Variants in FEZF1 observed in about 807,000 individuals in gnomAD.
FEZF1 encodes fez family zinc finger protein 1.
FEZF1 carries 8 observed loss-of-function variants against 32.4 expected under a neutral mutation model. That is an observed-to-expected ratio of 0.25 (90% CI 0.15 to 0.45). FEZF1 has a LOEUF of 0.45. FEZF1 is among the 20% of genes least tolerant of loss of function. The probability of loss-of-function intolerance (pLI) is 1.00; values close to 1 mark genes in which losing one functional copy is unlikely to be tolerated. For synonymous variants in FEZF1, 259 were observed against 265.2 expected, an observed-to-expected ratio of 0.98 and a Z score of 0.23; for missense variants, 546 against 622.3, an observed-to-expected ratio of 0.88 and a Z score of 1.31.
chr7:122,304,408 G>C lies in FEZF1; in HGVS notation c.30C>G (p.Thr10=), dbSNP rs756383812. The C allele has an allele frequency of 6.3e-6, 10 of 1,576,986 alleles. No homozygotes were observed. The South Asian group carries it at 8.0e-5, about 13-fold the overall frequency. The part of the protein sequence containing the change: MDSSCHNAT[T]KMLATAPARG... The stretch of plus-strand genomic sequence containing the variant: ...GAGCTGGAGCAGTCGCTAACATTTT[G>C]GTAGTCGCGTTGTGGCAGCTACTGT... Residue 10 remains threonine (T), a synonymous_variant, in exon 1 of 4, where the codon ACC becomes ACG. Transcript: ENST00000442488.
At chr7:122,304,767 C>A, upstream of FEZF1, 1 of 298,164 alleles carries the variant, frequency 3.4e-6, no homozygotes, top group Non-Finnish European at 6.5e-6. Context: ...TTGCTCAATT[C>A]GCTTCCAACA....
chr7:122,304,534 C>A lies in FEZF1; in HGVS notation c.-97G>T. On this transcript the variant is annotated 5_prime_UTR_variant, in exon 1 of 4. It removes an upstream start codon present in the reference 5' UTR. Transcript: ENST00000442488. Reference sequence around the variant, plus strand: ...GACCTGCGGAGAGGGGGACGGGCACCATCACCACCAGTAGCCTCCTCCTCC... The same window carrying A: ...GACCTGCGGAGAGGGGGACGGGCACAATCACCACCAGTAGCCTCCTCCTCC... 1 of 1,046,242 alleles carries A rather than the reference C, an allele frequency of 9.6e-7. No individual in the cohort carries two copies. The highest frequency in any genetic ancestry group is 1.3e-6 in the Non-Finnish European group (1 of 743,268). 64.8% of individuals were successfully genotyped at this position (1,046,242 alleles called of 1,614,324 possible).
chr7:122,309,875 C>T (rs539706833), intron 1 of FEZF1: 1 of 152,322 alleles, frequency 6.6e-6, no homozygotes, highest in East Asian at 1.9e-4. Flanking sequence ...GATTAGCGTT[C>T]TGCAGCAGTC....
chr7:122,308,744 C>G (rs1230078229), upstream of FEZF1, among the ~76,000 whole-genome samples: 1 of 151,910 alleles, frequency 6.6e-6, no homozygotes, highest in Non-Finnish European at 1.5e-5. Context: ...GTTTTCTGGC[C>G]TGTTCAACGT....
Position 122,302,180 on chromosome 7 carries a change from G to A in FEZF1, c.1245C>T (p.Leu415=). 6.2e-7 allele frequency: 1 copy of A among 1,614,236 alleles called. No homozygotes were observed. The highest frequency in any genetic ancestry group is 8.5e-7 in the Non-Finnish European group (1 of 1,180,040). ...CGTGCAGCTTGCGGACATGCTTCTT[G>A]AGGTCAAAGTTCCTGCAGAAACCCT... ...CGKGFCRNFD[L]KKHVRKLHDS... Residue 415 remains leucine (L), a synonymous_variant, in exon 4 of 4, where the codon CTC becomes CTT. Coordinates refer to ENST00000442488, the MANE Select transcript of FEZF1 (RefSeq NM_001024613.4). The surrounding 1 kb of genome is among the most constrained non-coding windows in gnomAD (Gnocchi z 4.4).
At position 122,303,679 on chromosome 7, in the gene FEZF1, A is replaced by C. The variant is rs775569945; in HGVS notation, c.759T>G (p.Pro253=). The change falls in exon 1 of 4, where the codon CCT becomes CCG. Residue 253 remains proline (P), a synonymous_variant. Coordinates refer to ENST00000442488, the MANE Select transcript of FEZF1 (RefSeq NM_001024613.4). ...FKTSDFSRGS[P]NAKPKVFTCE... Reference sequence around the variant, plus strand: ...AAGTGAAAACTTTGGGCTTGGCATTAGGAGAGCCTCGGCTGAAATCCGAGG... The same window carrying C: ...AAGTGAAAACTTTGGGCTTGGCATTCGGAGAGCCTCGGCTGAAATCCGAGG... 16 of 1,614,158 alleles carry C rather than the reference A, an allele frequency of 9.9e-6. No individual in the cohort carries two copies. The East Asian group carries it at 3.6e-4, about 36-fold the overall frequency.
intron 1 of FEZF1, 145 bp from the exon 2 acceptor site, chr7:122,303,456 A>T: frequency 9.5e-7 from 1 of 1,052,226 alleles, no homozygotes; most frequent in Non-Finnish European, 1.4e-6. Context: ...GGAGGAAGGA[A>T]AGGAGGAGCG....
Position 122,302,135 on chromosome 7 carries a change from G to T in FEZF1, c.1290C>A (p.Ala430=), listed in dbSNP as rs759076501. Residue 430 remains alanine (A), a synonymous_variant, in exon 4 of 4, where the codon GCC becomes GCA. Coordinates refer to ENST00000442488, the MANE Select transcript of FEZF1 (RefSeq NM_001024613.4). The surrounding 1 kb of genome is among the most constrained non-coding windows in gnomAD (Gnocchi z 4.4). ...RKLHDSSLGL[A]RTPAGEPGTE... ...TGCCTGGTTCGCCAGCTGGCGTGCGGGCCAGCCCCAGGCTGCTGTCGTGCA... is the reference window on the plus strand; with the variant it reads ...TGCCTGGTTCGCCAGCTGGCGTGCGTGCCAGCCCCAGGCTGCTGTCGTGCA... 6.2e-7 allele frequency: 1 copy of T among 1,614,104 alleles called. No homozygotes were observed. Among genetic ancestry groups the T allele is most frequent in the East Asian group, 2.2e-5 (1 of 44,878 alleles).
chr7:122,304,114 C>T lies in FEZF1; in HGVS notation c.324G>A (p.Ala108=). 1 of 1,590,094 alleles carries T rather than the reference C, an allele frequency of 6.3e-7. No individual in the cohort carries two copies. Among genetic ancestry groups the T allele is most frequent in the South Asian group, 1.1e-5 (1 of 89,598 alleles). ...ASLEAPAAPA[A]VPSAPAFSCS... ...AGCTGAATGCGGGAGCCGAGGGCAC[C>T]GCCGCGGGCGCCGCCGGGGCCTCCA... Residue 108 remains alanine, a synonymous_variant, in exon 1 of 4, where the codon GCG becomes GCA. Transcript: ENST00000442488.
rs1472862306 is a variant in FEZF1, at chr7:122,303,520, AGGAAGGAAGGAAGGAAGGAG to A, written c.801+97_801+116del. The A allele has an allele frequency of 1.2e-5, 6 of 500,100 alleles. No individual in the cohort carries two copies. The African/African-American group carries it at 1.4e-4, about 11-fold the overall frequency. 31.0% of individuals were successfully genotyped at this position (500,100 alleles called of 1,614,324 possible). A position where few individuals can be genotyped will look rare whatever the true frequency, so the allele number is the denominator to read the frequency against. ...AAGGAAGGAAGGAAGGAAGGAAGGA[AGGAAGGAAGGAAGGAAGGAG>A]GGAGGGAAGGAAGGAGGGAAGGAGG... On this transcript the variant is annotated intron_variant, in intron 1 of 3. Transcript: ENST00000442488.
At position 122,302,660 on chromosome 7, in the gene FEZF1, G is replaced by T; in HGVS notation, c.1069+139C>A. On this transcript the variant is annotated intron_variant, in intron 3 of 3. Coordinates refer to ENST00000442488, the MANE Select transcript of FEZF1 (RefSeq NM_001024613.4). This position sits in a 1 kb window ranked among gnomAD's most constrained non-coding sequence, Gnocchi z 4.4. ...TCATGCTTTTCTCTAATACTAATCA[G>T]ACTTCGAGTAGGGAGTTAGAATGGC... The T allele has an allele frequency of 1.1e-6, 1 of 952,354 alleles. No individual in the cohort carries two copies. Among genetic ancestry groups the T allele is most frequent in the Non-Finnish European group, 1.6e-6 (1 of 616,878 alleles). 59.0% of individuals were successfully genotyped at this position (952,354 alleles called of 1,614,324 possible). A position where few individuals can be genotyped will look rare whatever the true frequency, so the allele number is the denominator to read the frequency against.
At chr7:122,303,503 AAGGAAGGAAGGAAGG>A in intron 1 of FEZF1, 119 bp downstream of exon 1, 5 of 534,008 alleles carry the variant, frequency 9.4e-6, no homozygotes, top group Non-Finnish European at 1.6e-5. Flanking sequence ...GGAAGGAAGG[AAGGAAGGAAGGAAGG>A]AAGGAAGGAA....
chr7:122,301,632 A>C lies in FEZF1; in HGVS notation c.*365T>G, dbSNP rs957073789. The C allele has an allele frequency of 4.8e-6, 1 of 206,196 alleles. No homozygotes were observed. The highest frequency in any genetic ancestry group is 9.5e-6 in the Non-Finnish European group (1 of 105,410). 12.8% of individuals were successfully genotyped at this position (206,196 alleles called of 1,614,324 possible). On this transcript the variant is annotated 3_prime_UTR_variant, in exon 4 of 4. Transcript: ENST00000442488. ...TGATGCAGCATTCCCGGGTAGAATA[A>C]TACAGATCTCAATAAATATAGCAGA...
chr7:122,302,240 G>A lies in FEZF1; in HGVS notation c.1185C>T (p.Asn395=), dbSNP rs780284233. Residue 395 remains asparagine (N), a synonymous_variant, in exon 4 of 4, where the codon AAC becomes AAT. Transcript: ENST00000442488. This position sits in a 1 kb window ranked among gnomAD's most constrained non-coding sequence, Gnocchi z 4.4. ...YNLTFHMHTH[N]DKKPFTCPTC... ...TGGGGCAGGTGAAAGGCTTCTTGTCGTTGTGGGTGTGCATGTGGAAGGTGA... is the reference window on the plus strand; with the variant it reads ...TGGGGCAGGTGAAAGGCTTCTTGTCATTGTGGGTGTGCATGTGGAAGGTGA... 3 of 1,614,212 alleles carry A rather than the reference G, an allele frequency of 1.9e-6. No individual in the cohort carries two copies. Among genetic ancestry groups the A allele is most frequent in the Admixed American group, 3.3e-5 (2 of 60,030 alleles).
upstream of FEZF1, chr7:122,309,649 G>T (rs1017195607): frequency 7.2e-5 from 11 of 152,126 alleles, no homozygotes; most frequent in African/African-American, 2.7e-4. Flanking sequence ...TGGAAAAAAA[G>T]AAGTTTATAA....
intron 1 of FEZF1, among the ~76,000 whole-genome samples, 161 bp from the exon 2 acceptor site, chr7:122,303,472 G>A (rs565490758): frequency 2.4e-5 from 2 of 82,018 alleles, no homozygotes; most frequent in African/African-American, 9.5e-5. Context: ...GAGCGAGGGA[G>A]GGAAGGAAGG....
At chr7:122,309,234 G>A (rs2031362318), upstream of FEZF1, among the ~76,000 whole-genome samples, 1 of 152,136 alleles carries the variant, frequency 6.6e-6, no homozygotes, top group Non-Finnish European at 1.5e-5. Flanking sequence ...AAGAATTTTT[G>A]CTAAGTTCCT....
At position 122,302,049 on chromosome 7, in the gene FEZF1, G is replaced by T; in HGVS notation, c.1376C>A (p.Pro459Gln). 1 of 1,603,330 alleles carries T rather than the reference G, an allele frequency of 6.2e-7. No homozygotes were observed. The highest frequency in any genetic ancestry group is 8.5e-7 in the Non-Finnish European group (1 of 1,178,324). The change falls in exon 4 of 4, where the codon CCG becomes CAG. Residue 459 changes from proline (P) to glutamine (Q), a missense_variant. Pro to Gln is a moderately conservative substitution (Grantham distance 76, BLOSUM62 -1). This residue lies in a region of FEZF1 where 83 missense variants were observed against 73.0 expected (regional missense o/e 1.14). Coordinates refer to ENST00000442488, the MANE Select transcript of FEZF1 (RefSeq NM_001024613.4). This position sits in a 1 kb window ranked among gnomAD's most constrained non-coding sequence, Gnocchi z 4.4. ...CTGCAGGGGCCCCGGGGTTGGCAGC[G>T]GCGGCTGCAGAGGAGGCAGCGTCAT... ...PPMTLPPLQP[P>Q]LPTPGPLQPG... is the part of the protein sequence containing the mutation.
In FEZF1 at chr7:122,304,309, G is replaced by T; in HGVS notation, c.129C>A (p.Pro43=). 6.2e-7 allele frequency: 1 copy of T among 1,613,068 alleles called. No individual in the cohort carries two copies. The highest frequency in any genetic ancestry group is 8.5e-7 in the Non-Finnish European group (1 of 1,179,430). ...IERIMARTPE[P]KALPVPHFLQ... ...GGAAGTGGGGGACTGGCAGGGCCTT[G>T]GGCTCTGGGGTGCGCGCCATGATTC... The change falls in exon 1 of 4, where the codon CCC becomes CCA. Residue 43 remains proline (P), a synonymous_variant. Transcript: ENST00000442488.
Sources: allele counts gnomAD v4.1 joint callset (sites outside exome capture counted in the v4.1 genomes callset), GRCh38; gene constraint gnomAD v4.1.1; regional missense constraint gnomAD v4.1.1; non-coding constraint Gnocchi (gnomAD v3.1); transcripts MANE v1.5; gene names NCBI Gene and HGNC (gene_info 2026-07-23, HGNC 2026-07-21).